COL28A1: variants seen among roughly 807,000 people sequenced by gnomAD.
The protein encoded by COL28A1 is collagen alpha-1(XXVIII) chain.
In COL28A1, 161 loss-of-function variants were observed where a neutral mutation model predicts 150.2. That is an observed-to-expected ratio of 1.07 (90% confidence interval 0.94 to 1.22). The LOEUF is 1.22. Ranked by LOEUF, COL28A1 falls within the 50% of genes most tolerant of loss-of-function variation. The pLI is 0.00. For missense variants in COL28A1, 1,617 were observed against 1,388.3 expected, an observed-to-expected ratio of 1.16 and a Z score of -2.62; for synonymous variants, 552 against 469.7, an observed-to-expected ratio of 1.18 and a Z score of -2.26.
At chr7:7,529,479 A>G (rs918910243) in intron 3 of COL28A1, among the ~76,000 whole-genome samples, 3 of 152,150 alleles carry the variant, frequency 2.0e-5, no homozygotes, top group East Asian at 1.9e-4. Context: ...AGCTGAAATC[A>G]CAGATGCTAA....
intron 17 of COL28A1, 84 bp downstream of exon 17, chr7:7,453,356 C>G: frequency 1.2e-6 from 1 of 810,614 alleles, no homozygotes; most frequent in Admixed American, 1.9e-5. Flanking sequence ...ATTCTACCTG[C>G]TGTCTTCCCT....
At chr7:7,540,910 G>GACAGCCCATGTTTTTT in the COL28A1 span, among the ~76,000 whole-genome samples, 8 of 152,052 alleles carry the variant, frequency 5.3e-5, no homozygotes, top group African/African-American at 1.9e-4. Context: ...TTCAATAACT[G>GACAGCCCATGTTTTTT]ATCCCTAATC....
chr7:7,342,979 C>A, the COL28A1 span, among the ~76,000 whole-genome samples: 4 of 152,002 alleles, frequency 2.6e-5, no homozygotes, highest in South Asian at 2.1e-4. Context: ...CACCCTCATA[C>A]CAGGAAATAC....
intron 25 of COL28A1, among the ~76,000 whole-genome samples, chr7:7,425,045 C>T (rs1041441281): frequency 3.9e-5 from 6 of 151,976 alleles, no homozygotes; most frequent in African/African-American, 1.4e-4. Flanking sequence ...AGTAAATCTT[C>T]ACTTTGGTTA....
chr7:7,378,608 A>G (rs1485312989), intron 30 of COL28A1, among the ~76,000 whole-genome samples: 1 of 152,198 alleles, frequency 6.6e-6, no homozygotes, highest in Non-Finnish European at 1.5e-5. Flanking sequence ...CACAGAAAGG[A>G]TAAGAGGGGG....
intron 18 of COL28A1, among the ~76,000 whole-genome samples, chr7:7,450,845 G>T (rs570424947): frequency 3.3e-5 from 5 of 152,188 alleles, no homozygotes; most frequent in Non-Finnish European, 5.9e-5. Flanking sequence ...ACTATAACGC[G>T]ATTAATATCA....
In COL28A1 at chr7:7,373,271, T is replaced by G. The variant is rs758221465; in HGVS notation, c.2635A>C (p.Thr879Pro). 6.2e-7 allele frequency: 1 copy of G among 1,614,208 alleles called. No homozygotes were observed. The highest frequency in any genetic ancestry group is 1.3e-5 in the African/African-American group (1 of 75,044). Residue 879 changes from threonine (T) to proline (P), a missense_variant, in exon 32 of 35, where the codon ACT becomes CCT. By Grantham distance (38) the Thr-to-Pro change is conservative (BLOSUM62 -1). Transcript: ENST00000399429. This position sits in a 1 kb window ranked among gnomAD's most constrained non-coding sequence, Gnocchi z 4.1. Reference sequence around the variant, plus strand: ...ATGTCGTTGGCTGCTTGCAGAGCAGTGGCTGTGTATGTGCCTTCCCCCAGA... The same window carrying G: ...ATGTCGTTGGCTGCTTGCAGAGCAGGGGCTGTGTATGTGCCTTCCCCCAGA... ...QYLGEGTYTATALQAANDMFE... is the reference protein window; with the variant it reads ...QYLGEGTYTAPALQAANDMFE...
chr7:7,340,656 T>C, the COL28A1 span, among the ~76,000 whole-genome samples: 1 of 152,090 alleles, frequency 6.6e-6, no homozygotes. Context: ...ATCTTTTTTT[T>C]TCCCCCTAAG....
At chr7:7,414,999 C>T (rs1264053009) in intron 27 of COL28A1, among the ~76,000 whole-genome samples, 1 of 152,176 alleles carries the variant, frequency 6.6e-6, no homozygotes, top group Non-Finnish European at 1.5e-5. Flanking sequence ...GCTTATTTGC[C>T]TGACATAGGT....
At chr7:7,390,373 G>A (rs376995925) in intron 27 of COL28A1, among the ~76,000 whole-genome samples, 1 of 152,140 alleles carries the variant, frequency 6.6e-6, no homozygotes, top group African/African-American at 2.4e-5. Flanking sequence ...GCTTTTTGAT[G>A]TGCTGCTGGA....
At chr7:7,532,451 C>T (rs1028033737) in intron 2 of COL28A1, among the ~76,000 whole-genome samples, 8 of 152,076 alleles carry the variant, frequency 5.3e-5, no homozygotes, top group Non-Finnish European at 8.8e-5. Flanking sequence ...GAGTATGCCA[C>T]TCGACCTGTT....
the COL28A1 span, among the ~76,000 whole-genome samples, chr7:7,343,987 CAG>C: frequency 1.3e-5 from 2 of 151,436 alleles, no homozygotes; most frequent in African/African-American, 4.9e-5. Context: ...AGCTGGGTGA[CAG>C]AGTGAGACCC....
At chr7:7,508,681 G>A (rs1280065061) in intron 9 of COL28A1, among the ~76,000 whole-genome samples, 1 of 152,040 alleles carries the variant, frequency 6.6e-6, no homozygotes, top group Admixed American at 6.6e-5. Flanking sequence ...GGTTGCTGGT[G>A]TTGTTGTTGT....
chr7:7,345,631 A>G, the COL28A1 span, among the ~76,000 whole-genome samples: 1 of 152,158 alleles, frequency 6.6e-6, no homozygotes, highest in Admixed American at 6.6e-5. Flanking sequence ...TTCCATCTTG[A>G]CAGGTATTTG....
chr7:7,528,819 G>A (rs1237350130), intron 3 of COL28A1, among the ~76,000 whole-genome samples: 3 of 152,158 alleles, frequency 2.0e-5, no homozygotes, highest in East Asian at 1.9e-4. Flanking sequence ...TTTCATAGGT[G>A]TGTACCTATG....
At chr7:7,542,017 T>G in the COL28A1 span, among the ~76,000 whole-genome samples, 11,145 of 152,136 alleles carry the variant, frequency 0.073, 1,406 homozygotes, top group African/African-American at 0.25. Context: ...GGAACAAAAT[T>G]TACCAGTGTC....
chr7:7,519,460 C>G (rs1339360492), intron 6 of COL28A1, among the ~76,000 whole-genome samples: 1 of 152,142 alleles, frequency 6.6e-6, no homozygotes, highest in Non-Finnish European at 1.5e-5. Context: ...AGAATTTTGC[C>G]TTAAATTTTC....
intron 11 of COL28A1, among the ~76,000 whole-genome samples, chr7:7,498,821 T>A (rs1456858913): frequency 6.6e-6 from 1 of 152,138 alleles, no homozygotes; most frequent in Non-Finnish European, 1.5e-5. Flanking sequence ...ATGCATGCAG[T>A]TTAAACTCAG....
In COL28A1 at chr7:7,470,654, A is replaced by G. The variant is rs1162266639; in HGVS notation, c.1302+3947T>C. 7.3e-5 allele frequency among the ~76,000 whole-genome samples: 4 copies of G among 54,918 alleles called. 1 individual carries two copies. Among genetic ancestry groups the G allele is most frequent in the Admixed American group, 4.7e-4 (2 of 4,244 alleles). 36.0% of individuals were successfully genotyped at this position (54,918 alleles called of 152,430 possible). On this transcript the variant is annotated intron_variant, in intron 15 of 34. Transcript: ENST00000399429. ...ATAAATCATGCTGCTATAAAGACAC[A>G]TGCACACGTATGTTTATTGCGGCAC...
Sources: allele counts gnomAD v4.1 joint callset (sites outside exome capture counted in the v4.1 genomes callset), GRCh38; gene constraint gnomAD v4.1.1; non-coding constraint Gnocchi (gnomAD v3.1); transcripts MANE v1.5; gene names NCBI Gene and HGNC (gene_info 2026-07-23, HGNC 2026-07-21).